The following REDIC1 variants were observed in gnomAD, a reference collection of about 807,000 sequenced individuals.
REDIC1 encodes regulator of DNA class I crossover intermediates 1, also known as HEI10 Interacting Protein 1.
the REDIC1 span, among the ~76,000 whole-genome samples, chr12:39,701,089 T>C: frequency 1.7e-5 from 2 of 118,336 alleles, no homozygotes; most frequent in Non-Finnish European, 3.8e-5. Context: ...CATAACAATA[T>C]TAACTTTAAA....
chr12:39,890,684 A>T, the REDIC1 span, among the ~76,000 whole-genome samples: 1 of 152,124 alleles, frequency 6.6e-6, no homozygotes, highest in South Asian at 2.1e-4. Flanking sequence ...ATCACGTTGT[A>T]CTCCATAAAT....
At chr12:39,896,573 T>TGTGTATAC in the REDIC1 span, among the ~76,000 whole-genome samples, 1 of 114,830 alleles carries the variant, frequency 8.7e-6, no homozygotes, top group East Asian at 4.9e-4. Context: ...TATATGTATG[T>TGTGTATAC]ATGTGTGTAT....
the REDIC1 span, among the ~76,000 whole-genome samples, chr12:39,722,869 G>A: frequency 3.9e-5 from 6 of 152,120 alleles, no homozygotes; most frequent in Admixed American, 6.6e-5. Flanking sequence ...GGAATGTCAT[G>A]GCTAGTGAGT....
chr12:39,712,989 AT>A, the REDIC1 span, among the ~76,000 whole-genome samples: 1 of 128,236 alleles, frequency 7.8e-6, no homozygotes, highest in East Asian at 2.4e-4. Context: ...ATACATGTGT[AT>A]ATACGTGTAT....
chr12:39,715,489 T>C, the REDIC1 span, among the ~76,000 whole-genome samples: 2 of 151,856 alleles, frequency 1.3e-5, no homozygotes, highest in Non-Finnish European at 1.5e-5. Flanking sequence ...ATTTTGAAAA[T>C]GACCATACTG....
the REDIC1 span, among the ~76,000 whole-genome samples, chr12:39,731,934 C>T: frequency 6.7e-6 from 1 of 150,208 alleles, no homozygotes; most frequent in Non-Finnish European, 1.5e-5. Flanking sequence ...ATAAGGCAAA[C>T]ATCATTCTAA....
the REDIC1 span, among the ~76,000 whole-genome samples, chr12:39,788,018 T>G: frequency 4.6e-5 from 7 of 152,248 alleles, no homozygotes; most frequent in East Asian, 1.9e-4. Context: ...ATTTATGAAT[T>G]CTAGGACAAT....
chr12:39,734,922 GAGA>G, the REDIC1 span, among the ~76,000 whole-genome samples: 18 of 152,258 alleles, frequency 1.2e-4, no homozygotes, highest in African/African-American at 4.3e-4. Flanking sequence ...TCTCAATTTG[GAGA>G]AGAACTGATA....
At chr12:39,843,938 C>T in the REDIC1 span, among the ~76,000 whole-genome samples, 9 of 151,704 alleles carry the variant, frequency 5.9e-5, no homozygotes, top group Non-Finnish European at 1.3e-4. Context: ...TGCTTTTTTC[C>T]CCCCAAAGCA....
the REDIC1 span, chr12:39,756,884 G>A: frequency 0.13 from 20,259 of 151,294 alleles, 1,632 homozygotes; most frequent in East Asian, 0.39. Flanking sequence ...AAAAATAGTC[G>A]GTATTCTCAT....
chr12:39,856,083 T>TCCTA, the REDIC1 span, among the ~76,000 whole-genome samples: 1 of 152,146 alleles, frequency 6.6e-6, no homozygotes, highest in Non-Finnish European at 1.5e-5. Context: ...CTTGGATGCT[T>TCCTA]CCTAAATCAC....
chr12:39,822,047 C>T, the REDIC1 span, among the ~76,000 whole-genome samples: 1 of 150,136 alleles, frequency 6.7e-6, no homozygotes, highest in Admixed American at 6.6e-5. Context: ...TTAGGTATAT[C>T]TCCCAATGCT....
At chr12:39,759,923 G>A in the REDIC1 span, 1 of 791,748 alleles carries the variant, frequency 1.3e-6, no homozygotes, top group South Asian at 1.7e-5. Flanking sequence ...ATCAAAACTA[G>A]GCTGTGGAAA....
chr12:39,760,134 T>C, the REDIC1 span: 14 of 1,612,858 alleles, frequency 8.7e-6, no homozygotes, highest in African/African-American at 1.3e-5. Context: ...CACATGTACA[T>C]AGCCTGTTGT....
chr12:39,721,817 G>A, the REDIC1 span: 1 of 151,574 alleles, frequency 6.6e-6, no homozygotes, highest in African/African-American at 2.4e-5. Context: ...TTTTGTTGGT[G>A]CTATTAATTC....
the REDIC1 span, among the ~76,000 whole-genome samples, chr12:39,896,467 CATATATGT>C: frequency 8.1e-6 from 1 of 124,068 alleles, no homozygotes; most frequent in Non-Finnish European, 1.7e-5. Flanking sequence ...TATATGTATA[CATATATGT>C]ATATGTGTAT....
the REDIC1 span, chr12:39,650,290 C>G: frequency 6.2e-7 from 1 of 1,611,118 alleles, no homozygotes; most frequent in South Asian, 1.1e-5. This position sits in a 1 kb window ranked among gnomAD's most constrained non-coding sequence, Gnocchi z 4.3. Flanking sequence ...AAATAAAAGT[C>G]AAGATGTTTT....
At chr12:39,739,735 C>G in the REDIC1 span, among the ~76,000 whole-genome samples, 1 of 152,156 alleles carries the variant, frequency 6.6e-6, no homozygotes, top group Admixed American at 6.5e-5. Flanking sequence ...ATTCTCTACC[C>G]CTGTCTATAT....
the REDIC1 span, among the ~76,000 whole-genome samples, chr12:39,815,471 T>C: frequency 6.6e-6 from 1 of 152,198 alleles, no homozygotes; most frequent in Non-Finnish European, 1.5e-5. Context: ...CATTCTTTCT[T>C]TTCACCTATT....
Sources: gnomAD v4.1 joint callset for allele counts (sites outside exome capture counted in the v4.1 genomes callset) on GRCh38, gnomAD v4.1.1 for gene constraint, Gnocchi (gnomAD v3.1) non-coding constraint, MANE v1.5 for transcripts, NCBI Gene and HGNC (gene_info 2026-07-23, HGNC 2026-07-21) for gene names.